TLK1: variants seen among roughly 807,000 people sequenced by gnomAD.
TLK1 encodes the protein tousled like kinase 1, also known as serine/threonine-protein kinase tousled-like 1.
A neutral mutation model predicts 105.3 loss-of-function variants in TLK1; 24 were observed. The observed-to-expected ratio is 0.23, with a 90% CI of 0.17 to 0.32. The LOEUF (loss-of-function observed/expected upper bound fraction) is 0.32, where lower values mean the gene tolerates loss of function less well. TLK1 is among the 10% of genes least tolerant of loss of function. The probability of loss-of-function intolerance (pLI) is 1.00; values close to 1 mark genes in which losing one functional copy is unlikely to be tolerated. For missense variants in TLK1, 558 were observed against 910.5 expected (o/e 0.61, Z 4.98); for synonymous variants, 321 against 310.4 (o/e 1.03, Z -0.36).
chr2:171,113,580 A>G (rs1015567066), intron 2 of TLK1, among the ~76,000 whole-genome samples: 13 of 152,224 alleles, frequency 8.5e-5, no homozygotes, highest in African/African-American at 3.1e-4. Flanking sequence ...GCCCACATAT[A>G]CTTATCATAT....
upstream of TLK1, among the ~76,000 whole-genome samples, chr2:171,162,485 C>T (rs73017249): frequency 0.11 from 17,362 of 152,224 alleles, 1,538 homozygotes; most frequent in African/African-American, 0.24. Flanking sequence ...TTGCGGTAAG[C>T]CTAGATCGCA....
At chr2:171,015,692 CACACACAT>C (rs1161743729) in intron 12 of TLK1, among the ~76,000 whole-genome samples, 3 of 3,586 alleles carry the variant, frequency 8.4e-4, no homozygotes, top group African/African-American at 1.4e-3. Context: ...CATTCATACA[CACACACAT>C]ATACACACAC....
At chr2:171,010,999 C>T (rs1241385077) in intron 14 of TLK1, among the ~76,000 whole-genome samples, 1 of 152,114 alleles carries the variant, frequency 6.6e-6, no homozygotes, top group Non-Finnish European at 1.5e-5. Context: ...AAACAAAAGA[C>T]AAGTACTTCT....
At chr2:171,158,415 C>A (rs900212509) in intron 1 of TLK1, among the ~76,000 whole-genome samples, 18 of 152,182 alleles carry the variant, frequency 1.2e-4, no homozygotes, top group Admixed American at 3.3e-4. Flanking sequence ...AATTTTCAAA[C>A]ATCAGGAAAA....
intron 4 of TLK1, among the ~76,000 whole-genome samples, chr2:171,059,293 G>A (rs1001621518): frequency 6.6e-5 from 10 of 152,170 alleles, no homozygotes; most frequent in African/African-American, 2.4e-4. Flanking sequence ...TACTCCAGAA[G>A]CTATTTCCCC....
chr2:171,116,877 C>G (rs1690455284), intron 2 of TLK1, among the ~76,000 whole-genome samples: 1 of 152,152 alleles, frequency 6.6e-6, no homozygotes, highest in African/African-American at 2.4e-5. Context: ...TGAATAGCAA[C>G]CTTGTATTTA....
At chr2:171,031,604 C>A (rs369609894) in intron 11 of TLK1, among the ~76,000 whole-genome samples, 33 of 152,174 alleles carry the variant, frequency 2.2e-4, no homozygotes, top group African/African-American at 7.5e-4. Flanking sequence ...TTATTATGCA[C>A]ACATAACAAT....
At chr2:171,118,541 C>T (rs1690526893) in intron 1 of TLK1, among the ~76,000 whole-genome samples, 1 of 152,094 alleles carries the variant, frequency 6.6e-6, no homozygotes, top group South Asian at 2.1e-4. Flanking sequence ...ACTGAAGTAA[C>T]ACTTACTAGT....
In TLK1 at chr2:171,022,086, A is replaced by ACACACACACAC. The variant is rs1553605633; in HGVS notation, c.1236+6252_1236+6253insGTGTGTGTGTG. ...CCACCACACTCCAGCCTGGGCGAAA[A>ACACACACACAC]ACACACACACACACACACACACACA... On this transcript the variant is annotated intron_variant, in intron 12 of 20. Coordinates refer to ENST00000431350, the MANE Select transcript of TLK1 (RefSeq NM_012290.5). 4.6e-4 allele frequency among the ~76,000 whole-genome samples: 47 copies of ACACACACACAC among 103,108 alleles called. 1 individual carries two copies. Among genetic ancestry groups the ACACACACACAC allele is most frequent in the South Asian group, 1.4e-3 (3 of 2,150 alleles). 67.6% of individuals were successfully genotyped at this position (103,108 alleles called of 152,430 possible).
chr2:171,157,713 A>G (rs1692293377), intron 1 of TLK1, among the ~76,000 whole-genome samples: 1 of 152,216 alleles, frequency 6.6e-6, no homozygotes, highest in Non-Finnish European at 1.5e-5. Flanking sequence ...AAACTTCAAA[A>G]TAAGTAACTT....
intron 1 of TLK1, among the ~76,000 whole-genome samples, chr2:171,123,625 T>C (rs541158189): frequency 2.6e-4 from 39 of 152,188 alleles, no homozygotes; most frequent in Admixed American, 7.8e-4. Flanking sequence ...CTGGGCAACA[T>C]AGGGAGACCC....
At chr2:171,089,100 T>A (rs1052436628) in intron 2 of TLK1, among the ~76,000 whole-genome samples, 4 of 152,220 alleles carry the variant, frequency 2.6e-5, no homozygotes, top group African/African-American at 9.6e-5. Context: ...CAGGCTGATC[T>A]CGAACTCCTG....
At chr2:171,035,855 T>C (rs34303929) in intron 11 of TLK1, among the ~76,000 whole-genome samples, 25,963 of 152,126 alleles carry the variant, frequency 0.17, 2,805 homozygotes, top group Non-Finnish European at 0.24. Flanking sequence ...GGGCAGCTTC[T>C]AGAAGCTGGA....
At chr2:171,121,238 T>TA (rs1558953445) in intron 1 of TLK1, among the ~76,000 whole-genome samples, 2 of 151,368 alleles carry the variant, frequency 1.3e-5, no homozygotes, top group Non-Finnish European at 3.0e-5. Context: ...TGCCACAATT[T>TA]AAAAAAAAAT....
chr2:171,018,894 G>A (rs921205518), intron 12 of TLK1, among the ~76,000 whole-genome samples: 1 of 152,204 alleles, frequency 6.6e-6, no homozygotes, highest in Non-Finnish European at 1.5e-5. Context: ...AGAGAGGTAA[G>A]TTTGGCAATT....
At chr2:171,023,215 T>C in intron 12 of TLK1, 1 of 469,522 alleles carries the variant, frequency 2.1e-6, no homozygotes, top group Non-Finnish European at 4.4e-6. Context: ...TCAGGTGGCA[T>C]GTTGGATGTG....
chr2:171,001,015 C>T (rs991708169), intron 18 of TLK1, among the ~76,000 whole-genome samples: 4 of 150,074 alleles, frequency 2.7e-5, no homozygotes, highest in Non-Finnish European at 6.0e-5. Flanking sequence ...TTCACCCCAC[C>T]TTCTTTGCCA....
At chr2:171,038,689 G>C (rs1038194130) in intron 11 of TLK1, among the ~76,000 whole-genome samples, 1 of 152,136 alleles carries the variant, frequency 6.6e-6, no homozygotes, top group African/African-American at 2.4e-5. Context: ...ATGACTAAGG[G>C]AGAAAGAATA....
chr2:171,211,694 C>G (rs1018714686), intron 1 of TLK1, among the ~76,000 whole-genome samples: 1 of 151,996 alleles, frequency 6.6e-6, no homozygotes. Context: ...GGATTACAGG[C>G]GCACCCCACC....
Sources: allele counts gnomAD v4.1 joint callset (sites outside exome capture counted in the v4.1 genomes callset), GRCh38; gene constraint gnomAD v4.1.1; transcripts MANE v1.5; gene names NCBI Gene and HGNC (gene_info 2026-07-23, HGNC 2026-07-21).